Variants in TAOK1 observed in about 807,000 individuals in gnomAD.
TAOK1 encodes serine/threonine-protein kinase TAO1.
In TAOK1, 21 loss-of-function variants were observed where a neutral mutation model predicts 138.3. The observed-to-expected ratio is 0.15, with a 90% CI of 0.11 to 0.22. The LOEUF (loss-of-function observed/expected upper bound fraction) is 0.22, where lower values mean the gene tolerates loss of function less well. Ranked by LOEUF, TAOK1 falls within the 10% of genes least tolerant of loss-of-function variation. TAOK1 has a pLI of 1.00. For missense variants in TAOK1, 651 were observed against 1,227.7 expected (o/e 0.53, Z 7.02); for synonymous variants, 361 against 398.4 (o/e 0.91, Z 1.12).
At chr17:29,397,626 A>ATG (rs1904663416) in intron 1 of TAOK1, among the ~76,000 whole-genome samples, 1 of 107,458 alleles carries the variant, frequency 9.3e-6, no homozygotes, top group African/African-American at 4.3e-5. Flanking sequence ...ATATATATAT[A>ATG]TATACATGTA....
At chr17:29,468,135 ATT>A (rs761962930) in intron 3 of TAOK1, among the ~76,000 whole-genome samples, 16 of 76,030 alleles carry the variant, frequency 2.1e-4, no homozygotes, top group Non-Finnish European at 2.2e-4. Flanking sequence ...CCTGCTTTCA[ATT>A]TTTTTTTTTT....
At chr17:29,415,290 A>G (rs893095184) in intron 1 of TAOK1, among the ~76,000 whole-genome samples, 1 of 152,154 alleles carries the variant, frequency 6.6e-6, no homozygotes, top group Non-Finnish European at 1.5e-5. Flanking sequence ...TTTGGCTACT[A>G]TGAATGGTGC....
intron 16 of TAOK1, 108 bp downstream of exon 16, chr17:29,517,764 G>T: frequency 1.0e-6 from 1 of 980,450 alleles, no homozygotes; most frequent in Non-Finnish European, 1.5e-6. Context: ...ACTTGCCTCT[G>T]TCTGAATCAT....
At chr17:29,523,357 G>A (rs1165012913) in intron 17 of TAOK1, among the ~76,000 whole-genome samples, 2 of 151,514 alleles carry the variant, frequency 1.3e-5, no homozygotes, top group Non-Finnish European at 2.9e-5. Context: ...CTCCATCAAA[G>A]TCAACTGCAG....
At chr17:29,434,641 A>C (rs886327146) in intron 1 of TAOK1, among the ~76,000 whole-genome samples, 5 of 152,044 alleles carry the variant, frequency 3.3e-5, no homozygotes, top group Non-Finnish European at 5.9e-5. Flanking sequence ...TCTGTTTCCC[A>C]CCTACAGTCA....
Position 29,547,202 on chromosome 17 carries a change from CCT to C in TAOK1, c.*4183_*4184del, listed in dbSNP as rs2032415992. On this transcript the variant is annotated 3_prime_UTR_variant, in exon 20 of 20. Coordinates refer to ENST00000261716, the MANE Select transcript of TAOK1 (RefSeq NM_020791.4). ...ATTTCTTAGTAGTGATACCATTGAT[CCT>C]CTTACTTTTTTTACTCCATTAATAC... 1.3e-5 allele frequency: 2 copies of C among 152,020 alleles called. No individual in the cohort carries two copies. 9.4% of individuals were successfully genotyped at this position (152,020 alleles called of 1,614,324 possible).
chr17:29,451,114 T>C (rs1222344848), intron 1 of TAOK1, among the ~76,000 whole-genome samples: 2 of 152,206 alleles, frequency 1.3e-5, no homozygotes, highest in Non-Finnish European at 2.9e-5. Flanking sequence ...ACATCTTGCG[T>C]TATTGTGTAT....
chr17:29,455,886 A>G (rs1039933708), intron 2 of TAOK1, among the ~76,000 whole-genome samples: 3 of 149,034 alleles, frequency 2.0e-5, no homozygotes, highest in African/African-American at 7.7e-5. Flanking sequence ...GGTGTTGGGA[A>G]TTTTTCATTC....
At chr17:29,511,014 C>G in intron 15 of TAOK1, 22 bp downstream of exon 15, 2 of 1,566,256 alleles carry the variant, frequency 1.3e-6, no homozygotes, top group Non-Finnish European at 1.7e-6. Context: ...ATAAAACTTT[C>G]CAAGCAAATT....
intron 1 of TAOK1, among the ~76,000 whole-genome samples, chr17:29,398,355 G>A (rs1000294915): frequency 1.0e-4 from 15 of 150,052 alleles, no homozygotes; most frequent in Non-Finnish European, 2.1e-4. Flanking sequence ...ACAGGTATGC[G>A]CCACCATGCC....
At chr17:29,490,138 G>T (rs1402836310) in intron 9 of TAOK1, among the ~76,000 whole-genome samples, 1 of 234 alleles carries the variant, frequency 4.3e-3, no homozygotes, top group Non-Finnish European at 9.1e-3. Flanking sequence ...TTGATTGGAG[G>T]GATGGTTTAT....
chr17:29,498,383 C>T lies in TAOK1; in HGVS notation c.1065C>T (p.Pro355=), dbSNP rs1252139590. The change falls in exon 12 of 20, where the codon CCC becomes CCT. Residue 355 remains proline (P), a synonymous_variant. Coordinates refer to ENST00000261716, the MANE Select transcript of TAOK1 (RefSeq NM_020791.4). ...GTGTTGGAAGTAATCAATCCATTCC[C>T]AGCATGTCCATCAGTGCCAGCAGCC... ...VNSVGSNQSI[P]SMSISASSQS... The T allele has an allele frequency of 6.2e-7, 1 of 1,614,184 alleles. No homozygotes were observed. Among genetic ancestry groups the T allele is most frequent in the Non-Finnish European group, 8.5e-7 (1 of 1,180,028 alleles).
intron 13 of TAOK1, among the ~76,000 whole-genome samples, chr17:29,503,360 C>T (rs2031568054): frequency 7.2e-6 from 1 of 139,630 alleles, no homozygotes; most frequent in Non-Finnish European, 1.5e-5. Context: ...CACACCACTG[C>T]ACTCCATCCT....
intron 9 of TAOK1, 79 bp from the exon 10 acceptor site, chr17:29,491,705 A>G (rs1046354162): frequency 1.5e-5 from 15 of 985,718 alleles, no homozygotes; most frequent in East Asian, 1.2e-4. Flanking sequence ...CCTCCCACCA[A>G]TAGGCACGTG....
At chr17:29,540,393 C>T (rs550578894) in intron 19 of TAOK1, among the ~76,000 whole-genome samples, 1 of 151,774 alleles carries the variant, frequency 6.6e-6, no homozygotes, top group African/African-American at 2.4e-5. Context: ...GAGACTAAGT[C>T]CCATTCTATT....
chr17:29,495,436 C>A (rs1003628336), intron 10 of TAOK1, 124 bp from the exon 11 acceptor site: 1 of 688,744 alleles, frequency 1.5e-6, no homozygotes, highest in Admixed American at 3.4e-5. Context: ...AGAAATTTAA[C>A]AGAATTATAT....
chr17:29,533,249 C>G (rs1445917672), intron 18 of TAOK1, among the ~76,000 whole-genome samples: 8 of 145,164 alleles, frequency 5.5e-5, no homozygotes, highest in Non-Finnish European at 7.6e-5. Context: ...GATGGGCGGC[C>G]GGGCAGAGAC....
Position 29,530,485 on chromosome 17 carries a change from C to T in TAOK1, c.2227C>T (p.His743Tyr). 6.2e-7 allele frequency: 1 copy of T among 1,614,106 alleles called. No homozygotes were observed. Among genetic ancestry groups the T allele is most frequent in the Non-Finnish European group, 8.5e-7 (1 of 1,180,030 alleles). The change falls in exon 18 of 20, where the codon CAC (histidine) becomes TAC (tyrosine). Residue 743 changes from histidine to tyrosine, a missense_variant. Physicochemically the swap from His to Tyr is moderately conservative, Grantham distance 83 (BLOSUM62 2). Around this residue, in one of 8 missense-constraint regions of TAOK1, gnomAD observed 258 missense variants for 548.9 expected, o/e 0.47. Coordinates refer to ENST00000261716, the MANE Select transcript of TAOK1 (RefSeq NM_020791.4). ...CAGACAGTACAAAGCATTAAGAAAT[C>T]ACCTGCTGGAGACTACACCAAAGAG... ...QTRQYKALRN[H>Y]LLETTPKSEH... is the part of the protein sequence containing the mutation.
At chr17:29,500,432 A>G (rs1408413661) in intron 12 of TAOK1, among the ~76,000 whole-genome samples, 2 of 152,184 alleles carry the variant, frequency 1.3e-5, no homozygotes, top group African/African-American at 4.8e-5. Flanking sequence ...TTATTCATCA[A>G]CGGATGTATT....
Sources: gnomAD v4.1 joint callset for allele counts (sites outside exome capture counted in the v4.1 genomes callset) on GRCh38, gnomAD v4.1.1 for gene constraint, gnomAD v4.1.1 regional missense constraint, MANE v1.5 for transcripts, NCBI Gene and HGNC (gene_info 2026-07-23, HGNC 2026-07-21) for gene names.